The following NALF1 variants were observed in gnomAD, a reference collection of about 807,000 sequenced individuals.
NALF1 encodes NALCN channel auxiliary factor 1, also known as family with sequence similarity 155 member A.
NALF1 carries 3 observed loss-of-function variants against 48.4 expected under a neutral mutation model. The observed-to-expected ratio is 0.06, with a 90% confidence interval of 0.03 to 0.16. The LOEUF (loss-of-function observed/expected upper bound fraction) is 0.16. Ranked by LOEUF, NALF1 falls within the 10% of genes least tolerant of loss-of-function variation. The pLI, the probability that NALF1 is intolerant of heterozygous loss-of-function variation, is 1.00. For synonymous variants in NALF1, 262 were observed against 245.7 expected, an observed-to-expected ratio of 1.07 and a Z score of -0.62; for missense variants, 526 against 571.5, an observed-to-expected ratio of 0.92 and a Z score of 0.81.
chr13:107,339,439 T>C (rs1882627880), intron 1 of NALF1, among the ~76,000 whole-genome samples: 1 of 152,054 alleles, frequency 6.6e-6, no homozygotes, highest in Non-Finnish European at 1.5e-5. Flanking sequence ...CCTCCCACCT[T>C]CCACCTCTGA....
intron 1 of NALF1, among the ~76,000 whole-genome samples, chr13:107,771,485 G>T (rs1159394440): frequency 9.3e-6 from 1 of 107,758 alleles, no homozygotes; most frequent in Non-Finnish European, 1.8e-5. Flanking sequence ...AAACATATAT[G>T]ATACAATATA....
intron 1 of NALF1, among the ~76,000 whole-genome samples, chr13:107,722,793 G>A (rs904928602): frequency 1.3e-5 from 2 of 152,158 alleles, no homozygotes; most frequent in East Asian, 1.9e-4. Context: ...CACAGATGCT[G>A]CAGAGAAAGC....
intron 1 of NALF1, among the ~76,000 whole-genome samples, chr13:107,857,588 T>TCTCTAAATTAAATCTCTAAATTAATTAA (rs1880469867): frequency 6.6e-6 from 1 of 152,206 alleles, no homozygotes. Flanking sequence ...ATGTAGCACA[T>TCTCTAAATTAAATCTCTAAATTAATTAA]GTTAATCTCT....
chr13:107,503,253 C>T (rs1875578426), intron 1 of NALF1, among the ~76,000 whole-genome samples: 1 of 151,854 alleles, frequency 6.6e-6, no homozygotes, highest in Non-Finnish European at 1.5e-5. Context: ...TTTTAACGGG[C>T]CCTTCAGTAA....
In NALF1 at chr13:107,818,051, GA is replaced by G. The variant is rs1468242914; in HGVS notation, c.915+47630del. Among the ~76,000 whole-genome samples the G allele has an allele frequency of 3.3e-5, 5 of 152,290 alleles. No individual in the cohort carries two copies. In the East Asian group the frequency reaches 9.6e-4, roughly 29 times the overall value. On this transcript the variant is annotated intron_variant, in intron 1 of 2. Coordinates refer to ENST00000375915, the MANE Select transcript of NALF1 (RefSeq NM_001080396.3). Reference sequence around the variant, plus strand: ...TAAAAGGTATATCCCTATCCTTCTTGAATTCTCCCTTCAGGTCATACGGTAA... The same window carrying G: ...TAAAAGGTATATCCCTATCCTTCTTGATTCTCCCTTCAGGTCATACGGTAA...
At position 107,858,372 on chromosome 13, in the gene NALF1, G is replaced by A. The variant is rs573070488; in HGVS notation, c.915+7310C>T. 2.0e-5 allele frequency among the ~76,000 whole-genome samples: 3 copies of A among 152,322 alleles called. No homozygotes were observed. In the East Asian group the frequency reaches 5.8e-4, roughly 29 times the overall value. On this transcript the variant is annotated intron_variant, in intron 1 of 2. Coordinates refer to ENST00000375915, the MANE Select transcript of NALF1 (RefSeq NM_001080396.3). ...CAAAAGGAAAAAGAAAACATTTACA[G>A]TGATGAAGTGACCCTAATATTTAAA...
intron 1 of NALF1, among the ~76,000 whole-genome samples, chr13:107,451,810 G>T (rs1884745614): frequency 6.6e-6 from 1 of 152,072 alleles, no homozygotes. Flanking sequence ...TGATACTTCT[G>T]CTCTACTAAG....
At chr13:107,479,702 A>G (rs1333440151) in intron 1 of NALF1, among the ~76,000 whole-genome samples, 1 of 152,188 alleles carries the variant, frequency 6.6e-6, no homozygotes, top group Non-Finnish European at 1.5e-5. Context: ...ACCAATTAAT[A>G]TCCAGACTTT....
intron 1 of NALF1, among the ~76,000 whole-genome samples, chr13:107,395,619 G>A (rs1340279896): frequency 3.9e-5 from 6 of 152,242 alleles, no homozygotes; most frequent in South Asian, 2.1e-4. Context: ...CTCTGAAACT[G>A]CATTAGCTTG....
intron 1 of NALF1, among the ~76,000 whole-genome samples, chr13:107,661,844 A>G (rs926086913): frequency 1.3e-5 from 2 of 152,234 alleles, no homozygotes; most frequent in African/African-American, 4.8e-5. Flanking sequence ...AACACCTGCT[A>G]TAGCTCTACT....
intron 1 of NALF1, among the ~76,000 whole-genome samples, chr13:107,290,307 A>C (rs1881594951): frequency 6.6e-6 from 1 of 152,096 alleles, no homozygotes; most frequent in South Asian, 2.1e-4. Context: ...CTCCCTTCCA[A>C]AATAGGAATA....
At chr13:107,559,362 T>G (rs1281704218) in intron 1 of NALF1, among the ~76,000 whole-genome samples, 2 of 151,836 alleles carry the variant, frequency 1.3e-5, no homozygotes, top group Admixed American at 1.3e-4. Flanking sequence ...TTAAGGCAGC[T>G]AGCAAAAATA....
chr13:107,535,332 C>T (rs1210548108), intron 1 of NALF1, among the ~76,000 whole-genome samples: 1 of 151,994 alleles, frequency 6.6e-6, no homozygotes, highest in Admixed American at 6.6e-5. Flanking sequence ...ATAAATAGCT[C>T]TTATTATTTT....
At chr13:107,296,788 T>C (rs997131977) in intron 1 of NALF1, among the ~76,000 whole-genome samples, 4 of 152,012 alleles carry the variant, frequency 2.6e-5, no homozygotes, top group Admixed American at 2.0e-4. Flanking sequence ...AATATATATA[T>C]ATTTTTCAGA....
intron 1 of NALF1, among the ~76,000 whole-genome samples, chr13:107,834,348 C>G (rs1474606458): frequency 6.6e-6 from 1 of 152,126 alleles, no homozygotes; most frequent in Admixed American, 6.5e-5. Context: ...TAGACCACTT[C>G]TGCATTACAT....
chr13:107,719,896 T>C (rs1397409596), intron 1 of NALF1, among the ~76,000 whole-genome samples: 1 of 152,164 alleles, frequency 6.6e-6, no homozygotes, highest in Non-Finnish European at 1.5e-5. Flanking sequence ...ATGGCTGATT[T>C]TCCTGAAGAC....
At chr13:107,574,612 T>C (rs2138404437) in intron 1 of NALF1, among the ~76,000 whole-genome samples, 1 of 152,316 alleles carries the variant, frequency 6.6e-6, no homozygotes, top group Non-Finnish European at 1.5e-5. Context: ...AGATCAGGCT[T>C]CACTTTTTCA....
rs531303084 is a variant in NALF1 at position 107,367,769 on chromosome 13, T to C, written c.916-157014A>G. 3.7e-4 allele frequency among the ~76,000 whole-genome samples: 56 copies of C among 152,324 alleles called. 1 individual carries two copies. The South Asian group carries it at 0.01, about 28-fold the overall frequency. The stretch of plus-strand genomic sequence containing the variant: ...CAAAGAGGGTAAAGATCATTATCCG[T>C]TGACCATCTACTAGGCAAACATTCA... On this transcript the variant is annotated intron_variant, in intron 1 of 2. Coordinates refer to ENST00000375915, the MANE Select transcript of NALF1 (RefSeq NM_001080396.3).
At chr13:107,441,486 T>G (rs1884559951) in intron 1 of NALF1, among the ~76,000 whole-genome samples, 1 of 152,128 alleles carries the variant, frequency 6.6e-6, no homozygotes, top group Non-Finnish European at 1.5e-5. Context: ...ATAATGGGAC[T>G]TAGTCATGAA....
Sources: allele counts gnomAD v4.1 joint callset (sites outside exome capture counted in the v4.1 genomes callset), GRCh38; gene constraint gnomAD v4.1.1; transcripts MANE v1.5; gene names NCBI Gene and HGNC (gene_info 2026-07-23, HGNC 2026-07-21).